Variants in CAST observed in about 807,000 individuals in gnomAD.
CAST encodes calpastatin, also known as MIR583 host.
CAST carries 76 observed loss-of-function variants against 119.6 expected under a neutral mutation model. That is an observed-to-expected ratio of 0.64 (90% CI 0.53 to 0.77). The LOEUF (loss-of-function observed/expected upper bound fraction) is 0.77. Among genes scored for constraint, CAST ranks in the 30% least tolerant of loss-of-function variants. CAST has a pLI of 0.00. For missense variants in CAST, 953 were observed against 946.5 expected (o/e 1.01, Z -0.09); for synonymous variants, 319 against 331.6 (o/e 0.96, Z 0.41).
the CAST span, among the ~76,000 whole-genome samples, chr5:96,349,626 AC>A: frequency 6.6e-6 from 1 of 152,162 alleles, no homozygotes; most frequent in Admixed American, 6.6e-5. Flanking sequence ...AAAAAATTTC[AC>A]TATTTTCAAT....
At chr5:96,424,574 T>A in the CAST span, among the ~76,000 whole-genome samples, 5 of 152,190 alleles carry the variant, frequency 3.3e-5, no homozygotes, top group Non-Finnish European at 7.3e-5. Flanking sequence ...AATGAATTAA[T>A]TCATATCAAA....
chr5:96,101,790 T>C, the CAST span, among the ~76,000 whole-genome samples: 1 of 152,158 alleles, frequency 6.6e-6, no homozygotes. Flanking sequence ...TTACAAAAAA[T>C]TTTAACATCT....
chr5:96,525,491 A>G (rs1368899467), upstream of CAST: 1 of 152,206 alleles, frequency 6.6e-6, no homozygotes, highest in African/African-American at 2.4e-5. Context: ...CCTTCAGCTG[A>G]GTCATAAAAA....
At position 96,685,308 on chromosome 5, in the gene CAST, C is replaced by T. The variant is rs1255739645; in HGVS notation, c.138+9707C>T. On this transcript the variant is annotated intron_variant, in intron 2 of 31. Transcript: ENST00000675179. Reference sequence around the variant, plus strand: ...TGGACAGATGGATTAAATATTATTCCAGAAATAACATGTTTAAAGTTAACT... The same window carrying T: ...TGGACAGATGGATTAAATATTATTCTAGAAATAACATGTTTAAAGTTAACT... Among the ~76,000 whole-genome samples, 4 of 152,000 alleles carry T rather than the reference C, an allele frequency of 2.6e-5. No individual in the cohort carries two copies. The East Asian group carries it at 7.7e-4, about 29-fold the overall frequency.
the CAST span, among the ~76,000 whole-genome samples, chr5:96,489,823 A>G: frequency 2.6e-5 from 4 of 152,206 alleles, no homozygotes; most frequent in Non-Finnish European, 5.9e-5. Context: ...TTCCTGTCAC[A>G]TAGATACAGA....
chr5:96,363,280 C>G, the CAST span, among the ~76,000 whole-genome samples: 1 of 148,736 alleles, frequency 6.7e-6, no homozygotes, highest in African/African-American at 2.5e-5. Flanking sequence ...GTGCCTCCAG[C>G]TTTGTTCTTT....
the CAST span, among the ~76,000 whole-genome samples, chr5:96,104,765 T>A: frequency 1.5e-5 from 2 of 130,778 alleles, no homozygotes; most frequent in Admixed American, 7.9e-5. Flanking sequence ...TTTCCAATTC[T>A]GTGAAGAAAG....
At chr5:96,372,497 G>A in the CAST span, among the ~76,000 whole-genome samples, 4 of 152,254 alleles carry the variant, frequency 2.6e-5, no homozygotes, top group Middle Eastern at 3.4e-3. Context: ...CAGGGAAAGA[G>A]CTGAATATTT....
intron 1 of CAST, among the ~76,000 whole-genome samples, chr5:96,543,664 C>A (rs1340761339): frequency 6.6e-6 from 1 of 152,038 alleles, no homozygotes; most frequent in East Asian, 1.9e-4. Context: ...AATTTATTGA[C>A]AAACCCAAAA....
At chr5:96,677,213 CA>C (rs1750821842) in intron 2 of CAST, among the ~76,000 whole-genome samples, 1 of 152,066 alleles carries the variant, frequency 6.6e-6, no homozygotes, top group Non-Finnish European at 1.5e-5. Context: ...GACCAGTAAA[CA>C]ATGTTTTTGG....
At chr5:96,402,588 A>G in the CAST span, among the ~76,000 whole-genome samples, 3 of 152,256 alleles carry the variant, frequency 2.0e-5, no homozygotes, top group East Asian at 3.9e-4. Context: ...GGGCTCCCTC[A>G]GCAGTGAGAT....
In CAST at chr5:96,577,291, T is replaced by C. The variant is rs759804028; in HGVS notation, c.60+47411T>C. Among the ~76,000 whole-genome samples, 8 of 152,176 alleles carry C rather than the reference T, an allele frequency of 5.3e-5. No homozygotes were observed. The South Asian group carries it at 6.2e-4, about 12-fold the overall frequency. Reference sequence around the variant, plus strand: ...TTCTGCCTTTTCATTTTTGTTAGTCTTGGTGGAGGTTTATCAATTTTATTA... The same window carrying C: ...TTCTGCCTTTTCATTTTTGTTAGTCCTGGTGGAGGTTTATCAATTTTATTA... On this transcript the variant is annotated intron_variant, in intron 1 of 11. Transcript: ENST00000505143.
At chr5:95,974,674 C>T in the CAST span, among the ~76,000 whole-genome samples, 12 of 152,284 alleles carry the variant, frequency 7.9e-5, no homozygotes, top group South Asian at 2.1e-3. Context: ...TGGCCTTTCT[C>T]TTGTGCTACT....
the CAST span, chr5:96,394,879 C>T: frequency 6.2e-7 from 1 of 1,613,988 alleles, no homozygotes; most frequent in Non-Finnish European, 8.5e-7. Context: ...CTGGATCCAC[C>T]ATCTTCTCCA....
chr5:96,208,159 T>G, the CAST span, among the ~76,000 whole-genome samples: 1 of 151,646 alleles, frequency 6.6e-6, no homozygotes, highest in African/African-American at 2.4e-5. Flanking sequence ...GTGGGGTCAG[T>G]GGTAATGTCC....
chr5:96,763,846 A>G (rs1029277800), intron 25 of CAST, among the ~76,000 whole-genome samples: 2 of 152,194 alleles, frequency 1.3e-5, no homozygotes, highest in African/African-American at 4.8e-5. Flanking sequence ...ATAGAAGATC[A>G]TGGATGTGAC....
At chr5:96,703,855 A>G (rs1446392350) in intron 3 of CAST, among the ~76,000 whole-genome samples, 1 of 152,180 alleles carries the variant, frequency 6.6e-6, no homozygotes, top group Non-Finnish European at 1.5e-5. Flanking sequence ...GGGAAAGTCT[A>G]TTTCCTAATC....
At chr5:96,600,493 A>T (rs1747130986) in intron 1 of CAST, among the ~76,000 whole-genome samples, 1 of 152,256 alleles carries the variant, frequency 6.6e-6, no homozygotes, top group African/African-American at 2.4e-5. Flanking sequence ...GAGAAGTCAC[A>T]GAAACGGAGA....
the CAST span, among the ~76,000 whole-genome samples, chr5:96,449,188 C>T: frequency 2.6e-5 from 4 of 152,176 alleles, no homozygotes; most frequent in African/African-American, 9.7e-5. Context: ...TCCACAGTAA[C>T]TTCTGCCCCT....
Sources: gnomAD v4.1 joint callset for allele counts (sites outside exome capture counted in the v4.1 genomes callset) on GRCh38, gnomAD v4.1.1 for gene constraint, MANE v1.5 for transcripts, NCBI Gene and HGNC (gene_info 2026-07-23, HGNC 2026-07-21) for gene names.